The following PCDH11X variants were observed in gnomAD, a reference collection of about 807,000 sequenced individuals.
The protein encoded by PCDH11X is protocadherin 11 X-linked.
In PCDH11X, 18 loss-of-function variants were observed where a neutral mutation model predicts 53.3. The observed-to-expected ratio is 0.34, with a 90% CI of 0.23 to 0.50. The LOEUF (loss-of-function observed/expected upper bound fraction) is 0.50. Among genes scored for constraint, PCDH11X ranks in the 20% least tolerant of loss-of-function variants. PCDH11X has a pLI of 0.98. For missense variants in PCDH11X, 570 were observed against 1,032.4 expected (o/e 0.55, Z 6.14); for synonymous variants, 279 against 393.3 (o/e 0.71, Z 3.44).
rs188941198 is a variant in PCDH11X at position 92,226,701 on chromosome X, G to C, written c.3114+25246G>C. Among the ~76,000 whole-genome samples the C allele has an allele frequency of 4.3e-3, 475 of 110,827 alleles. 1 individual carries two copies. Among genetic ancestry groups the C allele is most frequent in the Non-Finnish European group, 7.3e-3 (388 of 52,918 alleles). On this transcript the variant is annotated intron_variant, in intron 7 of 10. Coordinates refer to ENST00000682573, the MANE Select transcript of PCDH11X (RefSeq NM_032968.5). ...GGAGAAGAGGGATTATAGTTTCTAT[G>C]GGTAGTCTAGCCTCAGGGAGAATGA... is the stretch of plus-strand genomic sequence containing the variant.
At chrX:92,324,263 A>G (rs1464244724) in intron 8 of PCDH11X, among the ~76,000 whole-genome samples, 1 of 111,414 alleles carries the variant, frequency 9.0e-6, no homozygotes, top group Non-Finnish European at 1.9e-5. Flanking sequence ...TGCTCAGGTC[A>G]TGCTTGAGGC....
chrX:92,251,075 A>G (rs2067452816), intron 7 of PCDH11X, among the ~76,000 whole-genome samples: 1 of 111,260 alleles, frequency 9.0e-6, no homozygotes, highest in African/African-American at 3.3e-5. Context: ...ACTCTTACAA[A>G]TGGCAGTTAC....
chrX:92,306,285 A>G (rs1449269073), intron 8 of PCDH11X, among the ~76,000 whole-genome samples: 1 of 105,103 alleles, frequency 9.5e-6, no homozygotes. Flanking sequence ...TTAAAAAGAA[A>G]AATAATCTCA....
chrX:92,277,866 G>A (rs1237061996), intron 8 of PCDH11X, among the ~76,000 whole-genome samples: 1 of 111,006 alleles, frequency 9.0e-6, no homozygotes, highest in Non-Finnish European at 1.9e-5. Context: ...GACAAGGAGA[G>A]AAGGGGTTGG....
At chrX:92,135,672 A>G (rs1179402534) in intron 6 of PCDH11X, among the ~76,000 whole-genome samples, 2 of 110,259 alleles carry the variant, frequency 1.8e-5, no homozygotes, top group Admixed American at 9.8e-5. Context: ...AGAGTATAAT[A>G]TGCTAATAAA....
chrX:91,810,782 A>G (rs1936269359), intron 3 of PCDH11X, among the ~76,000 whole-genome samples: 1 of 112,056 alleles, frequency 8.9e-6, no homozygotes. Flanking sequence ...CTCAGTCAGG[A>G]AATAAATACC....
intron 7 of PCDH11X, among the ~76,000 whole-genome samples, chrX:92,245,193 T>A (rs2067326212): frequency 8.9e-6 from 1 of 112,690 alleles, no homozygotes; most frequent in Admixed American, 9.4e-5. Context: ...GGGAATGAAA[T>A]ACCTTTTTAA....
intron 6 of PCDH11X, chrX:91,982,734 A>T (rs1316216983): frequency 3.5e-5 from 31 of 877,120 alleles, no homozygotes; most frequent in Non-Finnish European, 5.1e-5. Context: ...TGACAGTGTC[A>T]GTTTGATACC....
At chrX:92,109,137 C>G (rs1324410652) in intron 6 of PCDH11X, among the ~76,000 whole-genome samples, 1 of 111,228 alleles carries the variant, frequency 9.0e-6, no homozygotes, top group Non-Finnish European at 1.9e-5. Context: ...GTAATCCCAG[C>G]ACTTTGGGAG....
At chrX:91,951,054 C>T (rs2061634989) in intron 6 of PCDH11X, among the ~76,000 whole-genome samples, 1 of 111,094 alleles carries the variant, frequency 9.0e-6, no homozygotes. Flanking sequence ...TGACTGTATC[C>T]TATGTATTAG....
intron 10 of PCDH11X, among the ~76,000 whole-genome samples, chrX:92,595,920 C>A: frequency 1.0e-5 from 1 of 100,397 alleles, no homozygotes; most frequent in East Asian, 3.2e-4. Context: ...TCTTCTGTCT[C>A]TATAAAACTG....
chrX:92,120,270 C>T (rs2064732311), intron 6 of PCDH11X, among the ~76,000 whole-genome samples: 2 of 104,573 alleles, frequency 1.9e-5, no homozygotes, highest in Admixed American at 2.2e-4. Context: ...AAGCAGTTCT[C>T]TGCCTCAGCC....
intron 4 of PCDH11X, among the ~76,000 whole-genome samples, chrX:91,816,245 CT>C (rs1936449797): frequency 9.0e-6 from 1 of 111,517 alleles, no homozygotes; most frequent in Non-Finnish European, 1.9e-5. Context: ...AATATAAGAT[CT>C]TCCATACATT....
chrX:92,182,963 C>T (rs183147016), intron 6 of PCDH11X, among the ~76,000 whole-genome samples: 6 of 111,418 alleles, frequency 5.4e-5, no homozygotes, highest in African/African-American at 2.0e-4. Context: ...GATTCCCTAC[C>T]TACAAGCCTG....
At chrX:92,349,513 T>A (rs1268575783) in intron 8 of PCDH11X, among the ~76,000 whole-genome samples, 1 of 102,789 alleles carries the variant, frequency 9.7e-6, no homozygotes, top group African/African-American at 3.7e-5. Flanking sequence ...GACCCACCAA[T>A]TGCTTCCCAT....
At chrX:92,549,161 A>C (rs986968069) in intron 10 of PCDH11X, among the ~76,000 whole-genome samples, 1 of 100,492 alleles carries the variant, frequency 1.0e-5, no homozygotes, top group Non-Finnish European at 2.1e-5. Context: ...GTCAAATATG[A>C]CAATAATGTC....
chrX:91,882,690 A>T (rs1478976275), intron 6 of PCDH11X, among the ~76,000 whole-genome samples: 1 of 110,819 alleles, frequency 9.0e-6, no homozygotes, highest in Admixed American at 9.6e-5. Context: ...TTCATGCATG[A>T]AACCATCCTG....
chrX:92,229,026 A>C (rs906248614), intron 7 of PCDH11X, among the ~76,000 whole-genome samples: 2 of 111,815 alleles, frequency 1.8e-5, no homozygotes, highest in Non-Finnish European at 3.8e-5. Context: ...ATTCACATTA[A>C]AAATCGCAAA....
At chrX:92,177,484 C>A (rs944950799) in intron 6 of PCDH11X, among the ~76,000 whole-genome samples, 2 of 111,794 alleles carry the variant, frequency 1.8e-5, no homozygotes, top group African/African-American at 6.5e-5. Context: ...ACACTCTCAT[C>A]CTTGAGATGG....
Sources: allele counts gnomAD v4.1 joint callset (sites outside exome capture counted in the v4.1 genomes callset), GRCh38; gene constraint gnomAD v4.1.1; transcripts MANE v1.5; gene names NCBI Gene and HGNC (gene_info 2026-07-23, HGNC 2026-07-21).